Variants in SHANK2 observed in about 807,000 individuals in gnomAD.
SHANK2 encodes the protein SH3 and multiple ankyrin repeat domains 2, also known as SH3 and multiple ankyrin repeat domains protein 2.
In SHANK2, 43 loss-of-function variants were observed where a neutral mutation model predicts 133.7. The ratio of observed to expected loss-of-function variants is 0.32; its 90% CI spans 0.25 to 0.41. SHANK2 has a LOEUF of 0.41. SHANK2 is among the 10% of genes least tolerant of loss of function. The pLI, the probability that SHANK2 is intolerant of heterozygous loss-of-function variation, is 1.00. For missense variants in SHANK2, 1,994 were observed against 2,235.8 expected, an observed-to-expected ratio of 0.89 and a Z score of 2.18; for synonymous variants, 1,017 against 952.8, an observed-to-expected ratio of 1.07 and a Z score of -1.24.
intron 2 of SHANK2, among the ~76,000 whole-genome samples, chr11:71,212,408 C>A (rs1004547538): frequency 6.6e-6 from 1 of 152,166 alleles, no homozygotes; most frequent in Non-Finnish European, 1.5e-5. Flanking sequence ...GGCTTTAAAG[C>A]CAAAGCAAAA....
chr11:70,731,916 G>T (rs1012020076), intron 14 of SHANK2, among the ~76,000 whole-genome samples: 1 of 152,156 alleles, frequency 6.6e-6, no homozygotes, highest in African/African-American at 2.4e-5. Flanking sequence ...CCGGGCTGGG[G>T]TGTGGCCAGG....
chr11:70,950,211 C>T, intron 10 of SHANK2: 1 of 447,086 alleles, frequency 2.2e-6, no homozygotes, highest in South Asian at 1.6e-5. Context: ...GGATTTCGCT[C>T]TATGGCCCAG....
At chr11:71,167,154 A>G (rs1208827108) in intron 2 of SHANK2, among the ~76,000 whole-genome samples, 40 of 152,138 alleles carry the variant, frequency 2.6e-4, no homozygotes, top group Non-Finnish European at 5.3e-4. Flanking sequence ...TTTTCTTAGT[A>G]CAGAACAAAA....
chr11:70,686,447 T>C (rs1283384514), intron 15 of SHANK2, among the ~76,000 whole-genome samples: 3 of 151,674 alleles, frequency 2.0e-5, no homozygotes, highest in Admixed American at 1.3e-4. Flanking sequence ...TATCTACCCA[T>C]CCACACACCC....
At chr11:70,672,622 C>T (rs1397057784) in intron 15 of SHANK2, among the ~76,000 whole-genome samples, 6 of 152,254 alleles carry the variant, frequency 3.9e-5, no homozygotes, top group East Asian at 1.9e-4. Flanking sequence ...TGGGCCTTGC[C>T]GCCTGGTGGC....
At chr11:70,733,467 C>T (rs1161114453) in intron 14 of SHANK2, among the ~76,000 whole-genome samples, 1 of 152,204 alleles carries the variant, frequency 6.6e-6, no homozygotes, top group East Asian at 1.9e-4. Flanking sequence ...CTGGAGGCTT[C>T]ACAGCTATGG....
intron 17 of SHANK2, among the ~76,000 whole-genome samples, chr11:70,612,510 G>A (rs781849334): frequency 5.3e-5 from 8 of 152,116 alleles, no homozygotes; most frequent in African/African-American, 1.4e-4. Context: ...GTACAATTAC[G>A]AATATCTTTA....
At chr11:70,906,514 T>C (rs1456269055) in intron 10 of SHANK2, among the ~76,000 whole-genome samples, 1 of 152,166 alleles carries the variant, frequency 6.6e-6, no homozygotes, top group African/African-American at 2.4e-5. Flanking sequence ...CCTCCTTCTC[T>C]TGCCAAAACG....
At chr11:70,875,573 T>C (rs1349114496) in intron 11 of SHANK2, among the ~76,000 whole-genome samples, 1 of 150,960 alleles carries the variant, frequency 6.6e-6, no homozygotes, top group South Asian at 2.1e-4. Context: ...ATATTGCATG[T>C]CTGGGAGCTG....
At chr11:71,098,409 G>C (rs904429636) in intron 6 of SHANK2, among the ~76,000 whole-genome samples, 6 of 152,228 alleles carry the variant, frequency 3.9e-5, no homozygotes, top group African/African-American at 1.4e-4. Flanking sequence ...CCTATGAGGG[G>C]AAGTGACTGG....
intron 8 of SHANK2, among the ~76,000 whole-genome samples, chr11:71,084,010 C>A (rs1025349734): frequency 2.5e-4 from 38 of 149,572 alleles, no homozygotes; most frequent in Middle Eastern, 3.4e-3. Flanking sequence ...TGCTCTGTCT[C>A]CCAGGCTGGA....
intron 17 of SHANK2, among the ~76,000 whole-genome samples, chr11:70,580,270 G>A (rs12225214): frequency 0.23 from 34,396 of 148,132 alleles, 4,384 homozygotes; most frequent in Admixed American, 0.34. Flanking sequence ...GAGGCACAGC[G>A]CAGCCTTACT....
intron 17 of SHANK2, among the ~76,000 whole-genome samples, chr11:70,639,820 G>A (rs572519623): frequency 6.6e-6 from 1 of 152,208 alleles, no homozygotes; most frequent in Admixed American, 6.5e-5. Flanking sequence ...TGAGCCCCAA[G>A]GGGTCTTTAC....
chr11:70,780,576 A>ATTTT (rs35733465), intron 14 of SHANK2, among the ~76,000 whole-genome samples: 1 of 140,862 alleles, frequency 7.1e-6, no homozygotes. Flanking sequence ...CTGGTAATGC[A>ATTTT]TTTTTTTTTT....
chr11:70,680,060 C>T (rs1331331445), intron 15 of SHANK2, among the ~76,000 whole-genome samples: 1 of 152,174 alleles, frequency 6.6e-6, no homozygotes, highest in Non-Finnish European at 1.5e-5. Context: ...CATTTCCTGT[C>T]CTTTTCTACT....
intron 3 of SHANK2, 86 bp downstream of exon 3, chr11:71,147,034 C>T (rs1433705695): frequency 2.5e-5 from 30 of 1,198,048 alleles, no homozygotes; most frequent in East Asian, 2.3e-4. Flanking sequence ...ACCGTGGGTC[C>T]GGGGAGGACC....
Position 70,882,775 on chromosome 11 carries a change from C to T in SHANK2, c.1174+13726G>A, listed in dbSNP as rs782273677. 8.5e-5 allele frequency among the ~76,000 whole-genome samples: 13 copies of T among 152,218 alleles called. No individual in the cohort carries two copies. The highest frequency in any genetic ancestry group is 2.0e-4 in the Admixed American group (3 of 15,282). On this transcript the variant is annotated intron_variant, in intron 11 of 25. Transcript: ENST00000601538. This position sits in a 1 kb window ranked among gnomAD's most constrained non-coding sequence, Gnocchi z 4.2. ...AGGCCACCTCTGTGCCATCTGTCCA[C>T]GCTGGCCCAGCATCTGCGAGCACAG...
intron 17 of SHANK2, among the ~76,000 whole-genome samples, chr11:70,519,855 C>T (rs1377243144): frequency 6.6e-6 from 1 of 151,744 alleles, no homozygotes; most frequent in Non-Finnish European, 1.5e-5. Context: ...CTCATCTCGG[C>T]CTCCCAAGTA....
intron 11 of SHANK2, among the ~76,000 whole-genome samples, chr11:70,823,817 G>A (rs560977555): frequency 1.4e-5 from 2 of 148,086 alleles, no homozygotes; most frequent in Non-Finnish European, 3.0e-5. Flanking sequence ...CGGTGGCCGA[G>A]TTCATGAGGG....
Sources: gnomAD v4.1 joint callset for allele counts (sites outside exome capture counted in the v4.1 genomes callset) on GRCh38, gnomAD v4.1.1 for gene constraint, Gnocchi (gnomAD v3.1) non-coding constraint, MANE v1.5 for transcripts, NCBI Gene and HGNC (gene_info 2026-07-23, HGNC 2026-07-21) for gene names.